Variants in GFRA1 observed in about 807,000 individuals in gnomAD.
GFRA1 encodes the protein GDNF family receptor alpha 1.
A neutral mutation model predicts 51.6 loss-of-function variants in GFRA1; 16 were observed. The ratio of observed to expected loss-of-function variants is 0.31; its 90% CI spans 0.21 to 0.47. GFRA1 has a LOEUF of 0.47. Among genes scored for constraint, GFRA1 ranks in the 20% least tolerant of loss-of-function variants. GFRA1 has a pLI of 1.00. For missense variants in GFRA1, 530 were observed against 594.3 expected (o/e 0.89, Z 1.13); for synonymous variants, 270 against 241.3 (o/e 1.12, Z -1.10).
intron 4 of GFRA1, among the ~76,000 whole-genome samples, chr10:116,229,940 T>G (rs1182979370): frequency 6.6e-6 from 1 of 152,172 alleles, no homozygotes; most frequent in East Asian, 1.9e-4. Context: ...AGGCACCCCT[T>G]GGGGAGCTTC....
intron 5 of GFRA1, among the ~76,000 whole-genome samples, chr10:116,206,242 A>T (rs547286041): frequency 3.9e-5 from 6 of 152,296 alleles, no homozygotes; most frequent in Non-Finnish European, 8.8e-5. Context: ...TCATAAAGAA[A>T]ACAATCTTTC....
intron 6 of GFRA1, among the ~76,000 whole-genome samples, chr10:116,119,092 C>T (rs950057915): frequency 6.6e-6 from 1 of 152,202 alleles, no homozygotes; most frequent in African/African-American, 2.4e-5. Flanking sequence ...AGCTCTGCTG[C>T]TGCTGAGTGG....
chr10:116,174,487 A>G (rs548633312), intron 5 of GFRA1, among the ~76,000 whole-genome samples: 4 of 152,300 alleles, frequency 2.6e-5, no homozygotes, highest in African/African-American at 9.6e-5. Flanking sequence ...TAAGACTTCA[A>G]TGTGTTGTTA....
At chr10:116,100,719 C>T (rs1210176604) in intron 6 of GFRA1, among the ~76,000 whole-genome samples, 2 of 152,162 alleles carry the variant, frequency 1.3e-5, no homozygotes, top group South Asian at 2.1e-4. Flanking sequence ...CTACTGTGTG[C>T]CCTCACTGTT....
At chr10:116,097,171 C>T (rs1269046227) in intron 6 of GFRA1, among the ~76,000 whole-genome samples, 6 of 152,194 alleles carry the variant, frequency 3.9e-5, no homozygotes, top group African/African-American at 1.4e-4. Context: ...TTACTTTATA[C>T]AGAAACGTGT....
intron 5 of GFRA1, among the ~76,000 whole-genome samples, chr10:116,190,652 C>T (rs1424082269): frequency 6.6e-6 from 1 of 152,118 alleles, no homozygotes; most frequent in Admixed American, 6.5e-5. Flanking sequence ...ACCCCAGACT[C>T]GTGATCTACC....
intron 4 of GFRA1, among the ~76,000 whole-genome samples, chr10:116,213,140 T>G (rs1335044440): frequency 6.6e-6 from 1 of 152,224 alleles, no homozygotes; most frequent in Non-Finnish European, 1.5e-5. Flanking sequence ...ATGCATTCCT[T>G]GGCCCAACAA....
At chr10:116,090,046 C>T (rs184160408) in intron 8 of GFRA1, 124 bp from the exon 9 acceptor site, 14 of 894,404 alleles carry the variant, frequency 1.6e-5, no homozygotes, top group East Asian at 7.9e-5. Flanking sequence ...CTGAACAAAA[C>T]GCATCCATCC....
rs527966355 is a variant in GFRA1 at position 116,151,623 on chromosome 10, G to A, written c.434-26066C>T. On this transcript the variant is annotated intron_variant, in intron 5 of 10. Coordinates refer to ENST00000355422, the MANE Select transcript of GFRA1 (RefSeq NM_005264.8). ...TGGGAAAATAGAGGGAAGAGGGAGA[G>A]CCCCTATGGAATTTGCAAATGACAT... is the stretch of plus-strand genomic sequence containing the variant. Among the ~76,000 whole-genome samples, 10 of 152,140 alleles carry A rather than the reference G, an allele frequency of 6.6e-5. No homozygotes were observed. In the South Asian group the frequency reaches 2.1e-3, roughly 32 times the overall value.
intron 5 of GFRA1, among the ~76,000 whole-genome samples, chr10:116,193,815 T>G (rs1437248693): frequency 6.6e-6 from 1 of 151,932 alleles, no homozygotes; most frequent in Non-Finnish European, 1.5e-5. Context: ...CCCAGCACTT[T>G]GGGAGGCCTA....
At chr10:116,221,183 T>C (rs11816912) in intron 4 of GFRA1, among the ~76,000 whole-genome samples, 4,739 of 152,244 alleles carry the variant, frequency 0.031, 170 homozygotes, top group African/African-American at 0.092. Flanking sequence ...TCTCATTATC[T>C]TCATTTTACA....
At chr10:116,211,450 G>T (rs557434773) in intron 5 of GFRA1, among the ~76,000 whole-genome samples, 181 bp downstream of exon 5, 1 of 152,296 alleles carries the variant, frequency 6.6e-6, no homozygotes, top group East Asian at 1.9e-4. Flanking sequence ...GCAGAGGTTG[G>T]ACAGCAGAGG....
chr10:116,074,024 GA>G (rs968043027), intron 9 of GFRA1, among the ~76,000 whole-genome samples: 36 of 152,254 alleles, frequency 2.4e-4, no homozygotes, highest in African/African-American at 8.4e-4. Flanking sequence ...GAAAGTATAG[GA>G]AAACCAAGTA....
Position 116,089,830 on chromosome 10 carries a change from C to T in GFRA1, c.1108G>A (p.Ala370Thr). 2.5e-6 allele frequency: 4 copies of T among 1,614,030 alleles called. No individual in the cohort carries two copies. In the South Asian group the frequency reaches 4.4e-5, roughly 18 times the overall value. ...VQTTTATTTT[A>T]LRVKNKPLGP... ...AGGGGCTTGTTCTTAACCCGGAGGGCAGTGGTGGTAGTGGCAGTGGTGGTC... is the reference window on the plus strand; with the variant it reads ...AGGGGCTTGTTCTTAACCCGGAGGGTAGTGGTGGTAGTGGCAGTGGTGGTC... Residue 370 changes from alanine to threonine, a missense_variant, in exon 9 of 11, where the codon GCC becomes ACC. Coordinates refer to ENST00000355422, the MANE Select transcript of GFRA1 (RefSeq NM_005264.8).
chr10:116,179,769 G>T (rs900207522), intron 5 of GFRA1, among the ~76,000 whole-genome samples: 3 of 152,212 alleles, frequency 2.0e-5, no homozygotes, highest in Non-Finnish European at 4.4e-5. Context: ...AGTGGCTAGA[G>T]GTGAACTGTC....
At chr10:116,115,092 G>T (rs1296429236) in intron 6 of GFRA1, among the ~76,000 whole-genome samples, 1 of 152,178 alleles carries the variant, frequency 6.6e-6, no homozygotes, top group Non-Finnish European at 1.5e-5. Context: ...CACATTGATG[G>T]TTCTTTTAAA....
chr10:116,113,828 G>A (rs1036025368), intron 6 of GFRA1, among the ~76,000 whole-genome samples: 1 of 152,158 alleles, frequency 6.6e-6, no homozygotes, highest in African/African-American at 2.4e-5. Flanking sequence ...GGTAACGACA[G>A]CTCCCACTTC....
intron 4 of GFRA1, among the ~76,000 whole-genome samples, chr10:116,214,229 A>C (rs1965408882): frequency 6.6e-6 from 1 of 152,178 alleles, no homozygotes; most frequent in South Asian, 2.1e-4. Flanking sequence ...GTTTATTCCC[A>C]CAGAGAGGGA....
intron 6 of GFRA1, among the ~76,000 whole-genome samples, chr10:116,101,765 A>C (rs2250554): frequency 0.98 from 149,416 of 152,206 alleles, 73,392 homozygotes; most frequent in East Asian, 1. Context: ...TGGACATAAG[A>C]CACGTGGTTG....
Sources: allele counts gnomAD v4.1 joint callset (sites outside exome capture counted in the v4.1 genomes callset), GRCh38; gene constraint gnomAD v4.1.1; transcripts MANE v1.5; gene names NCBI Gene and HGNC (gene_info 2026-07-23, HGNC 2026-07-21).